The following CYB5A variants were observed in gnomAD, a reference collection of about 807,000 sequenced individuals.
The protein encoded by CYB5A is cytochrome b5.
CYB5A carries 10 observed loss-of-function variants against 16.2 expected under a neutral mutation model. The observed-to-expected ratio is 0.62, with a 90% CI of 0.38 to 1.04. CYB5A has a LOEUF of 1.04. Among genes scored for constraint, CYB5A ranks in the 50% least tolerant of loss-of-function variants. The pLI is 0.01. For missense variants in CYB5A, 161 were observed against 165.9 expected, an observed-to-expected ratio of 0.97 and a Z score of 0.16; for synonymous variants, 62 against 57.0, an observed-to-expected ratio of 1.09 and a Z score of -0.40.
intron 1 of CYB5A, among the ~76,000 whole-genome samples, chr18:74,272,454 G>A (rs1478326365): frequency 6.6e-6 from 1 of 152,158 alleles, no homozygotes; most frequent in African/African-American, 2.4e-5. Flanking sequence ...TTTGCTGAGA[G>A]ATCTTTTGTC....
At chr18:74,283,693 G>A (rs1315544323) in intron 1 of CYB5A, among the ~76,000 whole-genome samples, 1 of 152,200 alleles carries the variant, frequency 6.6e-6, no homozygotes. Context: ...GTATCAGTGG[G>A]ATGCACTTTT....
At position 74,273,530 on chromosome 18, in the gene CYB5A, T is replaced by G. The variant is rs143534941; in HGVS notation, c.130-10053A>C. On this transcript the variant is annotated intron_variant, in intron 1 of 4. Transcript: ENST00000340533. The stretch of plus-strand genomic sequence containing the variant: ...ATAGCACCAAGCCAGTATTTTCAGA[T>G]AAACACTGCTGAGTGACCTGCTGTG... Among the ~76,000 whole-genome samples the G allele has an allele frequency of 1.2e-3, 179 of 152,352 alleles. 1 individual carries two copies. Among genetic ancestry groups the G allele is most frequent in the African/African-American group, 4.2e-3 (174 of 41,578 alleles).
chr18:74,276,027 G>A (rs1266132218), intron 1 of CYB5A, among the ~76,000 whole-genome samples: 4 of 152,064 alleles, frequency 2.6e-5, no homozygotes, highest in African/African-American at 9.7e-5. Flanking sequence ...ACAAGCTCCA[G>A]CCTTAATACT....
In CYB5A at chr18:74,255,031, T is replaced by A. The variant is rs537389450; in HGVS notation, c.323+710A>T. ...TAACTTTTGTCTTAGTGGGGTTTGG[T>A]GGGGTTTTTCAATTTCACTTTAGAA... On this transcript the variant is annotated intron_variant, in intron 4 of 4. Coordinates refer to ENST00000340533, the MANE Select transcript of CYB5A (RefSeq NM_148923.4). Among the ~76,000 whole-genome samples the A allele has an allele frequency of 8.5e-5, 13 of 152,268 alleles. No homozygotes were observed. In the East Asian group the frequency reaches 2.1e-3, roughly 25 times the overall value.
chr18:74,280,721 G>A (rs1399896100), intron 1 of CYB5A, among the ~76,000 whole-genome samples: 2 of 152,150 alleles, frequency 1.3e-5, no homozygotes, highest in East Asian at 3.8e-4. Context: ...TGCTGAAAAG[G>A]CTATCCTTCC....
chr18:74,264,202 C>A (rs1982333729), intron 1 of CYB5A, among the ~76,000 whole-genome samples: 1 of 69,926 alleles, frequency 1.4e-5, no homozygotes, highest in Non-Finnish European at 2.7e-5. Flanking sequence ...CAAAGTGAGA[C>A]TCTGTCTCAA....
chr18:74,254,025 A>G (rs1981867733), intron 4 of CYB5A, among the ~76,000 whole-genome samples: 1 of 152,112 alleles, frequency 6.6e-6, no homozygotes. Context: ...AAAAATACAA[A>G]AAGTAGCTGG....
chr18:74,273,442 A>C (rs1377520383), intron 1 of CYB5A, among the ~76,000 whole-genome samples: 2 of 152,238 alleles, frequency 1.3e-5, no homozygotes, highest in Non-Finnish European at 2.9e-5. Flanking sequence ...TGAATTAAGC[A>C]CTATTTACAG....
chr18:74,288,441 T>A (rs1042593775), intron 1 of CYB5A, among the ~76,000 whole-genome samples: 28 of 152,232 alleles, frequency 1.8e-4, no homozygotes, highest in African/African-American at 6.5e-4. Context: ...AAGGAGAAGA[T>A]AAATCTTTCC....
At chr18:74,286,605 T>C (rs1284577014) in intron 1 of CYB5A, among the ~76,000 whole-genome samples, 1 of 152,160 alleles carries the variant, frequency 6.6e-6, no homozygotes, top group Non-Finnish European at 1.5e-5. Context: ...CTGAAAGAAA[T>C]ACCTGACTTG....
chr18:74,261,308 T>C (rs1197088084), intron 2 of CYB5A: 3 of 320,422 alleles, frequency 9.4e-6, no homozygotes, highest in African/African-American at 6.4e-5. Context: ...AGATTGTGCA[T>C]GTATCTCTTA....
chr18:74,276,725 C>T (rs999695258), intron 1 of CYB5A, among the ~76,000 whole-genome samples: 5 of 152,130 alleles, frequency 3.3e-5, no homozygotes, highest in Admixed American at 6.5e-5. Context: ...GGGGAATGAA[C>T]GCAGGCCGCC....
At chr18:74,275,898 G>C (rs1042747769) in intron 1 of CYB5A, among the ~76,000 whole-genome samples, 2 of 152,200 alleles carry the variant, frequency 1.3e-5, no homozygotes, top group Non-Finnish European at 2.9e-5. Flanking sequence ...TCGCCACACA[G>C]TAGGGTGGCC....
intron 1 of CYB5A, among the ~76,000 whole-genome samples, chr18:74,275,312 A>C (rs1982827653): frequency 6.6e-6 from 1 of 152,120 alleles, no homozygotes; most frequent in Non-Finnish European, 1.5e-5. Context: ...CATGTGGTTA[A>C]ACTCTGGCTC....
chr18:74,288,908 C>T (rs1026076088), intron 1 of CYB5A, among the ~76,000 whole-genome samples: 1 of 152,168 alleles, frequency 6.6e-6, no homozygotes, highest in Non-Finnish European at 1.5e-5. Context: ...CGGGAGGTGC[C>T]CAGAGGTCAG....
chr18:74,268,828 C>T lies in CYB5A; in HGVS notation c.130-5351G>A, dbSNP rs147157358. 9.9e-4 allele frequency among the ~76,000 whole-genome samples: 151 copies of T among 152,240 alleles called. 1 individual carries two copies. The highest frequency in any genetic ancestry group is 3.3e-3 in the African/African-American group (137 of 41,536). On this transcript the variant is annotated intron_variant, in intron 1 of 4. Transcript: ENST00000340533. ...AGAGAGACCAGGTTTAGGGCTAAAC[C>T]ACTTACTGGAACTCACTCATCGTGC...
intron 1 of CYB5A, among the ~76,000 whole-genome samples, chr18:74,282,368 A>G (rs958014890): frequency 6.6e-6 from 1 of 151,778 alleles, no homozygotes; most frequent in Admixed American, 6.6e-5. Context: ...AGGGCCACAG[A>G]GTAAGAAGGG....
At chr18:74,287,889 C>T (rs548980105) in intron 1 of CYB5A, among the ~76,000 whole-genome samples, 3 of 152,202 alleles carry the variant, frequency 2.0e-5, no homozygotes, top group South Asian at 4.1e-4. Context: ...AAACATTTCT[C>T]CCCCTGGTCC....
In CYB5A at chr18:74,252,929, C is replaced by A. The variant is rs1215058762; in HGVS notation, c.*655G>T. 1 of 153,034 alleles carries A rather than the reference C, an allele frequency of 6.5e-6. No homozygotes were observed. Among genetic ancestry groups the A allele is most frequent in the African/African-American group, 2.4e-5 (1 of 41,456 alleles). 9.5% of individuals were successfully genotyped at this position (153,034 alleles called of 1,614,324 possible). The stretch of plus-strand genomic sequence containing the variant: ...TGTTGGTCAGGCTGGTCTTGAACTC[C>A]TGACCTCAAGTGATCCACCCACCTC... On this transcript the variant is annotated 3_prime_UTR_variant, in exon 5 of 5. Coordinates refer to ENST00000340533, the MANE Select transcript of CYB5A (RefSeq NM_148923.4).
Sources: allele counts gnomAD v4.1 joint callset (sites outside exome capture counted in the v4.1 genomes callset), GRCh38; gene constraint gnomAD v4.1.1; transcripts MANE v1.5; gene names NCBI Gene and HGNC (gene_info 2026-07-23, HGNC 2026-07-21).